The following TBC1D1 variants were observed in gnomAD, a reference collection of about 807,000 sequenced individuals.
The protein encoded by TBC1D1 is TBC1 domain family member 1, also known as TBC1 (tre-2/USP6, BUB2, cdc16) domain family, member 1.
Under a neutral mutation model 125.6 loss-of-function variants are expected in TBC1D1, and 89 were observed. That is an observed-to-expected ratio of 0.71 (90% confidence interval 0.60 to 0.85). TBC1D1 has a LOEUF of 0.85. Among genes scored for constraint, TBC1D1 ranks in the 40% least tolerant of loss-of-function variants. TBC1D1 has a pLI of 0.00. For synonymous variants in TBC1D1, 565 were observed against 564.1 expected, an observed-to-expected ratio of 1.00 and a Z score of -0.02; for missense variants, 1,377 against 1,469.2, an observed-to-expected ratio of 0.94 and a Z score of 1.03.
rs1302729568 is a variant in TBC1D1 at position 38,014,715 on chromosome 4, G to A, written c.624G>A (p.Gly208=). Residue 208 remains glycine (G), a synonymous_variant, in exon 3 of 20, where the codon GGG becomes GGA. Transcript: ENST00000261439. The surrounding 1 kb of genome is among the most constrained non-coding windows in gnomAD (Gnocchi z 5.1). ...TCAATCACGTCAGCGGCAGCCGGGGGTCCGAGAGCCCCCGCCCCAACCCGC... is the reference window on the plus strand; with the variant it reads ...TCAATCACGTCAGCGGCAGCCGGGGATCCGAGAGCCCCCGCCCCAACCCGC... 2 of 1,612,500 alleles carry A rather than the reference G, an allele frequency of 1.2e-6. No homozygotes were observed. Among genetic ancestry groups the A allele is most frequent in the Non-Finnish European group, 1.7e-6 (2 of 1,179,810 alleles).
At chr4:37,990,421 A>G (rs1041255202) in intron 2 of TBC1D1, among the ~76,000 whole-genome samples, 1 of 152,142 alleles carries the variant, frequency 6.6e-6, no homozygotes, top group South Asian at 2.1e-4. Flanking sequence ...AAAAGATTGG[A>G]TACCCCTGTA....
intron 12 of TBC1D1, chr4:38,060,756 A>G (rs924310234): frequency 3.9e-6 from 3 of 776,228 alleles, no homozygotes; most frequent in African/African-American, 3.6e-5. Flanking sequence ...GCGGTGTTTT[A>G]CAAACTTGAT....
At chr4:38,002,818 G>A (rs1560598919) in intron 2 of TBC1D1, among the ~76,000 whole-genome samples, 1 of 152,158 alleles carries the variant, frequency 6.6e-6, no homozygotes, top group South Asian at 2.1e-4. Flanking sequence ...GGCCCCAGCT[G>A]AACATACCAA....
intron 2 of TBC1D1, chr4:38,007,066 G>T: frequency 2.7e-6 from 1 of 368,580 alleles, no homozygotes; most frequent in South Asian, 2.6e-5. Context: ...TGAGCACTGA[G>T]ACGAGACATG....
At chr4:37,923,320 T>C (rs916527654) in intron 2 of TBC1D1, among the ~76,000 whole-genome samples, 3 of 152,202 alleles carry the variant, frequency 2.0e-5, no homozygotes, top group African/African-American at 7.2e-5. Flanking sequence ...CTCCATGGTG[T>C]ATATGTGCCC....
At chr4:37,961,332 G>A (rs1172534307) in intron 2 of TBC1D1, among the ~76,000 whole-genome samples, 2 of 145,906 alleles carry the variant, frequency 1.4e-5, no homozygotes, top group Non-Finnish European at 3.0e-5. Context: ...CCAGCCTAGT[G>A]TGAACCAGAT....
At chr4:38,131,908 A>T (rs1765654118) in intron 18 of TBC1D1, among the ~76,000 whole-genome samples, 1 of 152,250 alleles carries the variant, frequency 6.6e-6, no homozygotes, top group African/African-American at 2.4e-5. Context: ...TGCCTTATTA[A>T]TATTATCCAC....
At chr4:38,056,159 A>C (rs530590761) in intron 12 of TBC1D1, among the ~76,000 whole-genome samples, 9 of 152,308 alleles carry the variant, frequency 5.9e-5, no homozygotes, top group African/African-American at 2.2e-4. Flanking sequence ...TGGTCTCTGA[A>C]GCCACACGGA....
At chr4:37,964,269 C>T (rs116533038) in intron 2 of TBC1D1, among the ~76,000 whole-genome samples, 2,473 of 152,294 alleles carry the variant, frequency 0.016, 69 homozygotes, top group African/African-American at 0.055. Flanking sequence ...ACAGAGAGGC[C>T]GTGTGCCCCT....
chr4:38,079,011 G>A (rs1444682538), intron 12 of TBC1D1, among the ~76,000 whole-genome samples: 1 of 152,194 alleles, frequency 6.6e-6, no homozygotes, highest in Non-Finnish European at 1.5e-5. Context: ...GAAGCAGAAA[G>A]GCCCTGAGAT....
At chr4:38,017,527 T>C (rs955683330) in intron 3 of TBC1D1, among the ~76,000 whole-genome samples, 1 of 152,180 alleles carries the variant, frequency 6.6e-6, no homozygotes, top group African/African-American at 2.4e-5. Flanking sequence ...GGCCCCCTCA[T>C]TGAGAGTATA....
rs1270543457 is a variant in TBC1D1 at position 37,977,385 on chromosome 4, A to T, written c.418-37124A>T. On this transcript the variant is annotated intron_variant, in intron 2 of 19. Coordinates refer to ENST00000261439, the MANE Select transcript of TBC1D1 (RefSeq NM_015173.4). This position sits in a 1 kb window ranked among gnomAD's most constrained non-coding sequence, Gnocchi z 4.3. Reference sequence around the variant, plus strand: ...CGCCGCCGCCGCCGCCGCCGGGGAGAGCGATGCCCCGGCCCCGCCGCTCCC... The same window carrying T: ...CGCCGCCGCCGCCGCCGCCGGGGAGTGCGATGCCCCGGCCCCGCCGCTCCC... The T allele has an allele frequency of 4.6e-6, 2 of 430,350 alleles. No homozygotes were observed. Among genetic ancestry groups the T allele is most frequent in the Non-Finnish European group, 6.1e-6 (2 of 330,488 alleles). The allele number at this position is 430,350 out of a possible 1,614,324, so 26.7% of individuals were successfully genotyped here.
chr4:38,102,949 A>AGTT, intron 14 of TBC1D1, 50 bp from the exon 17 acceptor site: 1 of 1,509,630 alleles, frequency 6.6e-7, no homozygotes, highest in Non-Finnish European at 8.9e-7. Context: ...TTTATTATTA[A>AGTT]GTTGTATTCT....
At chr4:38,073,787 AGGAGAAGGCAGCC>A (rs1406423865) in intron 12 of TBC1D1, among the ~76,000 whole-genome samples, 1 of 152,198 alleles carries the variant, frequency 6.6e-6, no homozygotes, top group Non-Finnish European at 1.5e-5. Context: ...TTGTTACGTA[AGGAGAAGGCAGCC>A]GGTCCATTCC....
In TBC1D1 at chr4:37,977,519, G is replaced by T. The variant is rs1360887985; in HGVS notation, c.418-36990G>T. Reference sequence around the variant, plus strand: ...CCCGCGATGTCACCATTGTTCAGCTGGGTGGCCAAGGTAGGCGGCGTCGGG... The same window carrying T: ...CCCGCGATGTCACCATTGTTCAGCTTGGTGGCCAAGGTAGGCGGCGTCGGG... On this transcript the variant is annotated intron_variant, in intron 2 of 19. Coordinates refer to ENST00000261439, the MANE Select transcript of TBC1D1 (RefSeq NM_015173.4). The surrounding 1 kb of genome is among the most constrained non-coding windows in gnomAD (Gnocchi z 4.3). 6.1e-6 allele frequency: 6 copies of T among 990,966 alleles called. No homozygotes were observed. Among genetic ancestry groups the T allele is most frequent in the East Asian group, 1.1e-4 (1 of 8,756 alleles). The allele number at this position is 990,966 out of a possible 1,614,324, so 61.4% of individuals were successfully genotyped here. A position where few individuals can be genotyped will look rare whatever the true frequency, so the allele number is the denominator to read the frequency against.
chr4:37,910,691 G>A (rs913715141), intron 2 of TBC1D1, among the ~76,000 whole-genome samples: 4 of 151,190 alleles, frequency 2.6e-5, no homozygotes, highest in Non-Finnish European at 5.9e-5. Context: ...ATGGTTAATG[G>A]TACAAAAAAA....
chr4:38,106,298 T>TGGTG (rs150303326), intron 15 of TBC1D1, among the ~76,000 whole-genome samples: 1 of 123,822 alleles, frequency 8.1e-6, no homozygotes, highest in South Asian at 3.2e-4. Flanking sequence ...ATGTTGACCA[T>TGGTG]GGTCACAAAG....
intron 13 of TBC1D1, among the ~76,000 whole-genome samples, chr4:38,093,627 C>T (rs993132541): frequency 4.7e-5 from 7 of 148,604 alleles, no homozygotes; most frequent in African/African-American, 9.8e-5. Flanking sequence ...TGGGTTCAAG[C>T]GATTCTCCTG....
chr4:38,005,809 A>C (rs1740037649), intron 2 of TBC1D1, among the ~76,000 whole-genome samples: 1 of 152,204 alleles, frequency 6.6e-6, no homozygotes, highest in Non-Finnish European at 1.5e-5. Context: ...CAGCTGCCCC[A>C]GTCACTGGGG....
Sources: gnomAD v4.1 joint callset for allele counts (sites outside exome capture counted in the v4.1 genomes callset) on GRCh38, gnomAD v4.1.1 for gene constraint, Gnocchi (gnomAD v3.1) non-coding constraint, MANE v1.5 for transcripts, NCBI Gene and HGNC (gene_info 2026-07-23, HGNC 2026-07-21) for gene names.